The following PDGFC variants were observed in gnomAD, a reference collection of about 807,000 sequenced individuals.
PDGFC encodes the protein platelet derived growth factor C.
A neutral mutation model predicts 35.5 loss-of-function variants in PDGFC; 12 were observed. The observed-to-expected ratio is 0.34, with a 90% CI of 0.22 to 0.55. PDGFC has a LOEUF of 0.55. PDGFC is among the 20% of genes least tolerant of loss of function. The pLI is 0.91. For missense variants in PDGFC, 322 were observed against 412.4 expected, an observed-to-expected ratio of 0.78 and a Z score of 1.90; for synonymous variants, 159 against 148.8, an observed-to-expected ratio of 1.07 and a Z score of -0.50.
chr4:156,820,198 T>A (rs1040590243), intron 2 of PDGFC, among the ~76,000 whole-genome samples: 3 of 152,222 alleles, frequency 2.0e-5, no homozygotes, highest in African/African-American at 7.2e-5. Context: ...AAGGGATTTA[T>A]AATATTCCAT....
At chr4:156,819,343 C>T (rs994095925) in intron 2 of PDGFC, among the ~76,000 whole-genome samples, 3 of 152,062 alleles carry the variant, frequency 2.0e-5, no homozygotes, top group Non-Finnish European at 2.9e-5. Context: ...AAAGTCAATG[C>T]CTGGCTTCAA....
chr4:156,880,575 T>A (rs1237979114), intron 1 of PDGFC, among the ~76,000 whole-genome samples: 2 of 152,178 alleles, frequency 1.3e-5, no homozygotes, highest in Non-Finnish European at 1.5e-5. Context: ...CTGAAGCCCA[T>A]GAATCAAGAA....
chr4:156,907,980 A>G (rs1450833433), intron 1 of PDGFC, among the ~76,000 whole-genome samples: 1 of 152,180 alleles, frequency 6.6e-6, no homozygotes, highest in African/African-American at 2.4e-5. Flanking sequence ...CAGCCTGGCC[A>G]ATATGGTGAA....
intron 2 of PDGFC, among the ~76,000 whole-genome samples, chr4:156,843,678 A>G (rs758623324): frequency 3.9e-5 from 6 of 152,146 alleles, no homozygotes; most frequent in Admixed American, 6.5e-5. Context: ...ACAAGACTGA[A>G]ATTGTGAATT....
At chr4:156,792,153 T>C (rs1050806775) in intron 3 of PDGFC, among the ~76,000 whole-genome samples, 1 of 152,164 alleles carries the variant, frequency 6.6e-6, no homozygotes, top group Admixed American at 6.6e-5. Flanking sequence ...ATTCTTAATG[T>C]TCTAAATTCA....
chr4:156,852,360 A>T, intron 1 of PDGFC, among the ~76,000 whole-genome samples: 1 of 152,178 alleles, frequency 6.6e-6, no homozygotes, highest in East Asian at 1.9e-4. Context: ...AAATGACGAC[A>T]TTTCAGATTA....
At chr4:156,903,503 G>C (rs895290944) in intron 1 of PDGFC, among the ~76,000 whole-genome samples, 10 of 151,968 alleles carry the variant, frequency 6.6e-5, no homozygotes, top group Non-Finnish European at 1.3e-4. Context: ...AAATAACACA[G>C]CAGATGGTTT....
intron 1 of PDGFC, chr4:156,967,798 A>C (rs1348154785): frequency 6.6e-6 from 1 of 152,200 alleles, no homozygotes; most frequent in Admixed American, 6.5e-5. Flanking sequence ...TCATACAACA[A>C]GTATACAGGC....
intron 1 of PDGFC, among the ~76,000 whole-genome samples, chr4:156,874,292 T>G (rs1730056877): frequency 6.6e-6 from 1 of 152,130 alleles, no homozygotes; most frequent in Non-Finnish European, 1.5e-5. Flanking sequence ...ACCATAAAAT[T>G]ACCTTTTTCA....
At chr4:156,831,439 C>CTTT (rs34254264) in intron 2 of PDGFC, among the ~76,000 whole-genome samples, 1,327 of 99,246 alleles carry the variant, frequency 0.013, 87 homozygotes, top group African/African-American at 0.05. Flanking sequence ...GAGACCCTGT[C>CTTT]TTTTTTTTTT....
At chr4:156,941,103 G>T (rs1417193318) in intron 1 of PDGFC, among the ~76,000 whole-genome samples, 2 of 152,018 alleles carry the variant, frequency 1.3e-5, no homozygotes, top group Non-Finnish European at 2.9e-5. Flanking sequence ...AAGACCAATG[G>T]CTTAGCACAT....
At chr4:156,880,822 T>C (rs1347137519) in intron 1 of PDGFC, among the ~76,000 whole-genome samples, 1 of 151,860 alleles carries the variant, frequency 6.6e-6, no homozygotes, top group African/African-American at 2.4e-5. Flanking sequence ...TGCAAAATTA[T>C]AATAAAACCT....
intron 1 of PDGFC, among the ~76,000 whole-genome samples, chr4:156,858,394 T>A (rs1038927525): frequency 1.3e-5 from 2 of 152,102 alleles, no homozygotes; most frequent in African/African-American, 4.8e-5. Context: ...AATGGCCAAG[T>A]ATATACACAC....
chr4:156,792,004 T>C lies in PDGFC; in HGVS notation c.495+18833A>G, dbSNP rs116251264. On this transcript the variant is annotated intron_variant, in intron 3 of 5. Coordinates refer to ENST00000502773, the MANE Select transcript of PDGFC (RefSeq NM_016205.3). ...TCTAATGAAATCCTCCCGTTTATTA[T>C]TCAAAGAGATCAACAGGGATATTTA... 2.1e-3 allele frequency among the ~76,000 whole-genome samples: 317 copies of C among 152,300 alleles called. 1 individual carries two copies. The highest frequency in any genetic ancestry group is 7.4e-3 in the African/African-American group (306 of 41,570).
At chr4:156,959,206 TCCAAG>T (rs1732280997) in intron 1 of PDGFC, among the ~76,000 whole-genome samples, 1 of 152,022 alleles carries the variant, frequency 6.6e-6, no homozygotes, top group African/African-American at 2.4e-5. Flanking sequence ...AGGTATGCTT[TCCAAG>T]TGCAATACAA....
At chr4:156,832,763 C>G (rs1728975595) in intron 2 of PDGFC, among the ~76,000 whole-genome samples, 2 of 152,180 alleles carry the variant, frequency 1.3e-5, no homozygotes, top group South Asian at 4.1e-4. Context: ...GAATGCAAAA[C>G]CCATGTATAT....
intron 2 of PDGFC, among the ~76,000 whole-genome samples, chr4:156,832,400 G>A: frequency 6.6e-6 from 1 of 151,888 alleles, no homozygotes; most frequent in Admixed American, 6.6e-5. Flanking sequence ...GGGATTACAG[G>A]CACCCGCCAC....
At chr4:156,922,215 T>G (rs1191957413) in intron 1 of PDGFC, among the ~76,000 whole-genome samples, 1 of 151,862 alleles carries the variant, frequency 6.6e-6, no homozygotes, top group Non-Finnish European at 1.5e-5. Flanking sequence ...TGTGTATATC[T>G]GGTTCCTAAT....
At chr4:156,877,692 A>C (rs1730147164) in intron 1 of PDGFC, among the ~76,000 whole-genome samples, 1 of 152,198 alleles carries the variant, frequency 6.6e-6, no homozygotes, top group Non-Finnish European at 1.5e-5. Context: ...TTTATTTAAT[A>C]AAATCTAAAT....
Sources: allele counts gnomAD v4.1 joint callset (sites outside exome capture counted in the v4.1 genomes callset), GRCh38; gene constraint gnomAD v4.1.1; transcripts MANE v1.5; gene names NCBI Gene and HGNC (gene_info 2026-07-23, HGNC 2026-07-21).